The following MACROD2 variants were observed in gnomAD, a reference collection of about 807,000 sequenced individuals.
The protein encoded by MACROD2 is mono-ADP ribosylhydrolase 2.
In MACROD2, 36 loss-of-function variants were observed where a neutral mutation model predicts 70.4. The observed-to-expected ratio is 0.51, with a 90% CI of 0.39 to 0.68. MACROD2 has a LOEUF of 0.68. MACROD2 is among the 30% of genes least tolerant of loss of function. The pLI is 0.00. For synonymous variants in MACROD2, 172 were observed against 178.8 expected, an observed-to-expected ratio of 0.96 and a Z score of 0.30; for missense variants, 496 against 538.4, an observed-to-expected ratio of 0.92 and a Z score of 0.78.
chr20:14,151,890 C>T (rs1271839279), intron 3 of MACROD2, among the ~76,000 whole-genome samples: 5 of 133,478 alleles, frequency 3.7e-5, no homozygotes, highest in African/African-American at 8.5e-5. Context: ...GGCACAATCT[C>T]GGCTCACTGC....
chr20:14,588,788 G>A (rs891055651), intron 4 of MACROD2, among the ~76,000 whole-genome samples: 8 of 152,132 alleles, frequency 5.3e-5, no homozygotes, highest in African/African-American at 1.7e-4. Context: ...TACGTTACAT[G>A]ATAAACATTG....
chr20:14,631,450 A>C (rs1984499753), intron 4 of MACROD2, among the ~76,000 whole-genome samples: 1 of 152,206 alleles, frequency 6.6e-6, no homozygotes, highest in African/African-American at 2.4e-5. Context: ...TTTAGAATTC[A>C]ATAAAAGCCT....
chr20:14,688,493 A>G (rs995297854), intron 5 of MACROD2, among the ~76,000 whole-genome samples: 2 of 152,166 alleles, frequency 1.3e-5, no homozygotes, highest in African/African-American at 4.8e-5. Context: ...TCTTTTTGAC[A>G]TTAAGAATAT....
intron 8 of MACROD2, among the ~76,000 whole-genome samples, chr20:15,543,324 A>G (rs1001309427): frequency 4.6e-5 from 7 of 152,178 alleles, no homozygotes; most frequent in Non-Finnish European, 8.8e-5. Flanking sequence ...TCGTAAGATT[A>G]TAGTGAATAT....
chr20:15,401,448 G>A (rs1331660096), intron 6 of MACROD2, among the ~76,000 whole-genome samples: 3 of 152,160 alleles, frequency 2.0e-5, no homozygotes, highest in Non-Finnish European at 2.9e-5. Context: ...TGACCTCCAA[G>A]GACAAGGGCC....
intron 5 of MACROD2, chr20:14,893,558 C>A (rs2073790478): frequency 6.6e-6 from 1 of 151,834 alleles, no homozygotes; most frequent in Non-Finnish European, 1.5e-5. Flanking sequence ...TATTATTTAC[C>A]TTTAATATTA....
intron 5 of MACROD2, among the ~76,000 whole-genome samples, chr20:14,938,919 T>A (rs1016785559): frequency 1.3e-5 from 2 of 150,984 alleles, no homozygotes; most frequent in Admixed American, 1.3e-4. Context: ...TATTCAGATA[T>A]TTTTTTCATT....
At chr20:14,268,669 T>C (rs2082165287) in intron 3 of MACROD2, among the ~76,000 whole-genome samples, 1 of 152,172 alleles carries the variant, frequency 6.6e-6, no homozygotes, top group African/African-American at 2.4e-5. Context: ...ACTAATTCTT[T>C]TTTCTCACTT....
chr20:14,235,350 T>TA (rs2081859206), intron 3 of MACROD2, among the ~76,000 whole-genome samples: 4 of 152,270 alleles, frequency 2.6e-5, no homozygotes, highest in African/African-American at 9.6e-5. Flanking sequence ...CATGCATACA[T>TA]ACACACACAT....
intron 8 of MACROD2, among the ~76,000 whole-genome samples, chr20:15,748,348 T>TTTCC (rs57148758): frequency 0.12 from 18,565 of 148,932 alleles, 3,678 homozygotes; most frequent in African/African-American, 0.42. Flanking sequence ...AATTTTCCTC[T>TTTCC]TTCCTTCCTT....
At chr20:14,577,633 T>C (rs1024289028) in intron 4 of MACROD2, among the ~76,000 whole-genome samples, 4 of 151,822 alleles carry the variant, frequency 2.6e-5, no homozygotes, top group East Asian at 3.9e-4. Context: ...AAATAAAAAA[T>C]TAGCCAGGCA....
At chr20:15,986,911 A>G (rs2066492236) in intron 14 of MACROD2, 110 bp downstream of exon 14, 3 of 1,025,036 alleles carry the variant, frequency 2.9e-6, no homozygotes, top group Non-Finnish European at 4.5e-6. Flanking sequence ...TTAGGCAATG[A>G]TTACTGGAGG....
At chr20:14,084,883 G>A (rs2054057427) in intron 2 of MACROD2, among the ~76,000 whole-genome samples, 2 of 151,778 alleles carry the variant, frequency 1.3e-5, no homozygotes, top group Non-Finnish European at 2.9e-5. Flanking sequence ...AGCACTTTGG[G>A]AGGCCGAGGT....
intron 8 of MACROD2, among the ~76,000 whole-genome samples, chr20:15,693,050 G>C (rs1005472475): frequency 6.6e-6 from 1 of 152,132 alleles, no homozygotes; most frequent in Non-Finnish European, 1.5e-5. Flanking sequence ...CCTCCGCCAT[G>C]ATTGTAAGTT....
intron 5 of MACROD2, among the ~76,000 whole-genome samples, chr20:14,826,759 G>A (rs2072907267): frequency 6.6e-6 from 1 of 152,052 alleles, no homozygotes; most frequent in East Asian, 1.9e-4. Flanking sequence ...AAGTATTCAC[G>A]GATGTAACTA....
chr20:15,888,587 C>A (rs2064850360), intron 10 of MACROD2, among the ~76,000 whole-genome samples: 1 of 152,094 alleles, frequency 6.6e-6, no homozygotes, highest in Admixed American at 6.6e-5. Flanking sequence ...ATGCAGAGTC[C>A]CCAAGTTTGG....
At chr20:15,575,469 C>G (rs1216513243) in intron 8 of MACROD2, among the ~76,000 whole-genome samples, 1 of 152,096 alleles carries the variant, frequency 6.6e-6, no homozygotes, top group Non-Finnish European at 1.5e-5. Context: ...TAGTGAGGAC[C>G]TAGGGCTAAG....
At chr20:14,829,207 G>T (rs1382977948) in intron 5 of MACROD2, among the ~76,000 whole-genome samples, 1 of 145,180 alleles carries the variant, frequency 6.9e-6, no homozygotes, top group Non-Finnish European at 1.5e-5. Context: ...TCCCCTCACT[G>T]CAATCTTCGC....
intron 5 of MACROD2, among the ~76,000 whole-genome samples, chr20:14,891,917 C>T (rs561201798): frequency 1.3e-5 from 2 of 152,242 alleles, no homozygotes; most frequent in African/African-American, 4.8e-5. Flanking sequence ...TCCCCTCTCT[C>T]CTCATCAATA....
Sources: gnomAD v4.1 joint callset for allele counts (sites outside exome capture counted in the v4.1 genomes callset) on GRCh38, gnomAD v4.1.1 for gene constraint, MANE v1.5 for transcripts, NCBI Gene and HGNC (gene_info 2026-07-23, HGNC 2026-07-21) for gene names.